SPOCK1: variants seen among roughly 807,000 people sequenced by gnomAD.
SPOCK1 encodes the protein SPARC (osteonectin), cwcv and kazal like domains proteoglycan 1.
In SPOCK1, 23 loss-of-function variants were observed where a neutral mutation model predicts 55.3. The ratio of observed to expected loss-of-function variants is 0.42; its 90% CI spans 0.30 to 0.59. SPOCK1 has a LOEUF of 0.59. Among genes scored for constraint, SPOCK1 ranks in the 20% least tolerant of loss-of-function variants. The pLI is 0.22. For missense variants in SPOCK1, 499 were observed against 552.5 expected, an observed-to-expected ratio of 0.90 and a Z score of 0.97; for synonymous variants, 226 against 221.0, an observed-to-expected ratio of 1.02 and a Z score of -0.20.
At chr5:137,081,918 AG>A (rs980757692) in intron 5 of SPOCK1, among the ~76,000 whole-genome samples, 5 of 152,240 alleles carry the variant, frequency 3.3e-5, no homozygotes, top group African/African-American at 1.2e-4. Context: ...AAAATGGTCA[AG>A]GGCTGGACAA....
intron 3 of SPOCK1, among the ~76,000 whole-genome samples, chr5:137,240,345 A>T (rs1211780995): frequency 1.3e-5 from 2 of 152,208 alleles, no homozygotes; most frequent in Non-Finnish European, 2.9e-5. Flanking sequence ...GAAGCTTCCA[A>T]TCATGATAGA....
intron 3 of SPOCK1, among the ~76,000 whole-genome samples, chr5:137,225,611 G>C (rs2127090293): frequency 6.6e-6 from 1 of 152,262 alleles, no homozygotes; most frequent in South Asian, 2.1e-4. Flanking sequence ...GCCACACGAT[G>C]CCTCGACATA....
At chr5:137,183,315 A>G (rs1258917092) in intron 3 of SPOCK1, among the ~76,000 whole-genome samples, 1 of 152,190 alleles carries the variant, frequency 6.6e-6, no homozygotes, top group Non-Finnish European at 1.5e-5. Context: ...GGCTAATTCA[A>G]CAAAGAAAAA....
At chr5:137,178,661 C>G (rs1167267626) in intron 3 of SPOCK1, among the ~76,000 whole-genome samples, 5 of 152,192 alleles carry the variant, frequency 3.3e-5, no homozygotes, top group Non-Finnish European at 7.3e-5. Flanking sequence ...AACCAACTCC[C>G]CTTCCTCTGG....
intron 6 of SPOCK1, among the ~76,000 whole-genome samples, chr5:137,026,906 AG>A (rs1429855704): frequency 6.6e-6 from 1 of 152,210 alleles, no homozygotes; most frequent in African/African-American, 2.4e-5. Context: ...ATTATGTTCC[AG>A]GCCCTGTGTC....
chr5:137,058,077 G>C (rs1752333327), intron 6 of SPOCK1, among the ~76,000 whole-genome samples: 1 of 152,170 alleles, frequency 6.6e-6, no homozygotes, highest in African/African-American at 2.4e-5. Flanking sequence ...CTCGTAAAGG[G>C]CTATATTCTC....
intron 2 of SPOCK1, among the ~76,000 whole-genome samples, chr5:137,333,516 A>C (rs1283572894): frequency 6.6e-6 from 1 of 152,204 alleles, no homozygotes; most frequent in Non-Finnish European, 1.5e-5. Context: ...GGTCTCATCC[A>C]TGGACATCTG....
intron 2 of SPOCK1, among the ~76,000 whole-genome samples, chr5:137,461,043 A>C (rs1057340222): frequency 1.3e-4 from 20 of 152,164 alleles, no homozygotes; most frequent in African/African-American, 4.3e-4. Context: ...CAGAAATTCT[A>C]ATATATGTAC....
At chr5:137,171,079 C>A (rs562875250) in intron 3 of SPOCK1, among the ~76,000 whole-genome samples, 1 of 152,092 alleles carries the variant, frequency 6.6e-6, no homozygotes, top group Non-Finnish European at 1.5e-5. Context: ...ATGGAGTGAA[C>A]GGGAAGAGCC....
chr5:137,488,553 A>G (rs1288197962), intron 2 of SPOCK1, among the ~76,000 whole-genome samples: 1 of 152,114 alleles, frequency 6.6e-6, no homozygotes, highest in African/African-American at 2.4e-5. Context: ...ACTCTAACAG[A>G]CCGCTCTGGG....
intron 2 of SPOCK1, among the ~76,000 whole-genome samples, chr5:137,295,029 T>C (rs1757451855): frequency 6.6e-6 from 1 of 152,186 alleles, no homozygotes; most frequent in African/African-American, 2.4e-5. Flanking sequence ...CACTCATTTA[T>C]TGCCTGTCTT....
chr5:137,474,789 C>T (rs1270595136), intron 2 of SPOCK1, among the ~76,000 whole-genome samples: 1 of 152,120 alleles, frequency 6.6e-6, no homozygotes, highest in Non-Finnish European at 1.5e-5. Context: ...GAAAGAAAAT[C>T]CAGGAGTCCA....
At chr5:137,283,550 C>T (rs1002437964) in intron 2 of SPOCK1, among the ~76,000 whole-genome samples, 2 of 151,902 alleles carry the variant, frequency 1.3e-5, no homozygotes, top group Admixed American at 6.6e-5. Context: ...CCCATCTCTA[C>T]CAAAAAATAC....
At chr5:137,403,720 G>C (rs1390442934) in intron 2 of SPOCK1, among the ~76,000 whole-genome samples, 1 of 151,912 alleles carries the variant, frequency 6.6e-6, no homozygotes, top group African/African-American at 2.4e-5. Context: ...CTAAGGTCTG[G>C]CTTGTTCAAA....
intron 5 of SPOCK1, among the ~76,000 whole-genome samples, chr5:137,111,450 T>C (rs546603822): frequency 6.6e-6 from 1 of 152,260 alleles, no homozygotes; most frequent in South Asian, 2.1e-4. Context: ...CACCATGTCT[T>C]ACAGAAAACC....
intron 6 of SPOCK1, among the ~76,000 whole-genome samples, chr5:137,049,047 G>A (rs1247314892): frequency 1.4e-5 from 2 of 140,208 alleles, no homozygotes; most frequent in Admixed American, 7.3e-5. Context: ...AGGGTAACCC[G>A]ACCTTTCTCT....
chr5:137,322,588 A>C (rs1384601199), intron 2 of SPOCK1, among the ~76,000 whole-genome samples: 2 of 152,172 alleles, frequency 1.3e-5, no homozygotes, highest in Non-Finnish European at 2.9e-5. Context: ...TATGTGACTG[A>C]AGCTAAGCTG....
chr5:137,353,161 A>G (rs540097560), intron 2 of SPOCK1, among the ~76,000 whole-genome samples: 1 of 152,228 alleles, frequency 6.6e-6, no homozygotes, highest in South Asian at 2.1e-4. Flanking sequence ...GGGCGGATCG[A>G]TAGAGCCCAA....
intron 6 of SPOCK1, among the ~76,000 whole-genome samples, chr5:137,036,059 TG>T (rs972207456): frequency 2.0e-5 from 3 of 152,084 alleles, no homozygotes; most frequent in African/African-American, 7.2e-5. Context: ...AGGAGAGAGC[TG>T]GGCTTGCATA....
Sources: allele counts gnomAD v4.1 joint callset (sites outside exome capture counted in the v4.1 genomes callset), GRCh38; gene constraint gnomAD v4.1.1; transcripts MANE v1.5; gene names NCBI Gene and HGNC (gene_info 2026-07-23, HGNC 2026-07-21).